OTUD7A: variants seen among roughly 807,000 people sequenced by gnomAD.
The protein encoded by OTUD7A is OTU domain-containing protein 7A.
A neutral mutation model predicts 65.7 loss-of-function variants in OTUD7A; 12 were observed. The ratio of observed to expected loss-of-function variants is 0.18; its 90% CI spans 0.12 to 0.30. OTUD7A has a LOEUF of 0.30. Ranked by LOEUF, OTUD7A falls within the 10% of genes least tolerant of loss-of-function variation. OTUD7A has a pLI of 1.00. For missense variants in OTUD7A, 1,148 were observed against 1,304.8 expected, an observed-to-expected ratio of 0.88 and a Z score of 1.85; for synonymous variants, 641 against 586.3, an observed-to-expected ratio of 1.09 and a Z score of -1.35.
intron 1 of OTUD7A, among the ~76,000 whole-genome samples, chr15:31,659,080 TA>T (rs1280471297): frequency 7.3e-5 from 10 of 136,390 alleles, no homozygotes; most frequent in South Asian, 2.3e-4. Flanking sequence ...AATAAATAAA[TA>T]AAATAAAATT....
intron 1 of OTUD7A, among the ~76,000 whole-genome samples, chr15:31,713,238 A>G (rs1457761824): frequency 6.6e-6 from 1 of 152,188 alleles, no homozygotes; most frequent in South Asian, 2.1e-4. Flanking sequence ...AAAACAATAA[A>G]TCCTCTAGAA....
At chr15:31,695,249 A>G (rs1893051490) in intron 1 of OTUD7A, among the ~76,000 whole-genome samples, 1 of 139,514 alleles carries the variant, frequency 7.2e-6, no homozygotes, top group African/African-American at 2.5e-5. Flanking sequence ...AGTGCAGGTA[A>G]CTCTTTGATG....
At chr15:31,536,218 A>G (rs1053017239) in intron 5 of OTUD7A, among the ~76,000 whole-genome samples, 1 of 152,212 alleles carries the variant, frequency 6.6e-6, no homozygotes, top group African/African-American at 2.4e-5. Context: ...CTGCTTTTCA[A>G]AAGAATGTGT....
At chr15:31,825,034 G>GT (rs1283192361) in intron 1 of OTUD7A, among the ~76,000 whole-genome samples, 1 of 152,202 alleles carries the variant, frequency 6.6e-6, no homozygotes, top group African/African-American at 2.4e-5. Flanking sequence ...TCAGAAACCA[G>GT]TATCTTTCAG....
chr15:31,489,151 G>A (rs937873319), intron 10 of OTUD7A, among the ~76,000 whole-genome samples: 7 of 152,260 alleles, frequency 4.6e-5, no homozygotes, highest in African/African-American at 1.4e-4. Flanking sequence ...GGTTAGCCTC[G>A]CTTCTTACTC....
At chr15:31,667,917 C>A (rs1162519825) in intron 1 of OTUD7A, among the ~76,000 whole-genome samples, 1 of 152,230 alleles carries the variant, frequency 6.6e-6, no homozygotes, top group East Asian at 1.9e-4. Context: ...AGTTTTGCTG[C>A]ATACAAAATT....
At chr15:31,697,313 T>C (rs1698199531) in intron 1 of OTUD7A, among the ~76,000 whole-genome samples, 1 of 139,154 alleles carries the variant, frequency 7.2e-6, no homozygotes, top group South Asian at 2.6e-4. Context: ...CTGCCCTTTA[T>C]GAATGATGTT....
intron 1 of OTUD7A, among the ~76,000 whole-genome samples, chr15:31,834,921 A>G (rs1326165053): frequency 6.6e-6 from 1 of 152,254 alleles, no homozygotes; most frequent in African/African-American, 2.4e-5. Context: ...AAGTGAGATC[A>G]CTGTGAAGAG....
At chr15:31,721,125 C>T (rs1180955433) in intron 1 of OTUD7A, among the ~76,000 whole-genome samples, 2 of 152,342 alleles carry the variant, frequency 1.3e-5, no homozygotes, top group Admixed American at 6.5e-5. Flanking sequence ...ATCACCTAAA[C>T]GTATTTCTCG....
intron 1 of OTUD7A, among the ~76,000 whole-genome samples, chr15:31,748,888 A>G (rs1445949753): frequency 1.3e-5 from 2 of 152,122 alleles, no homozygotes; most frequent in African/African-American, 4.8e-5. Context: ...GGGCTCTTAC[A>G]AACAGCATGG....
intron 1 of OTUD7A, among the ~76,000 whole-genome samples, chr15:31,689,843 A>G (rs1285510196): frequency 1.3e-5 from 2 of 152,152 alleles, no homozygotes; most frequent in Admixed American, 6.5e-5. Flanking sequence ...GCGGGGCTCA[A>G]ACACTGAACT....
At chr15:31,846,285 C>T (rs551080293) in intron 1 of OTUD7A, among the ~76,000 whole-genome samples, 1 of 152,036 alleles carries the variant, frequency 6.6e-6, no homozygotes, top group East Asian at 1.9e-4. Flanking sequence ...GCCCACTGGC[C>T]AGTCTAGAGC....
intron 8 of OTUD7A, among the ~76,000 whole-genome samples, chr15:31,522,877 A>G (rs1405919461): frequency 6.6e-6 from 1 of 152,124 alleles, no homozygotes; most frequent in Non-Finnish European, 1.5e-5. Flanking sequence ...CAAGTTTAAA[A>G]TGACTCCAGG....
intron 1 of OTUD7A, among the ~76,000 whole-genome samples, chr15:31,828,017 G>C (rs142814669): frequency 3.7e-4 from 56 of 151,990 alleles, no homozygotes; most frequent in African/African-American, 1.2e-3. Flanking sequence ...TGTTTGCATT[G>C]TCAAGGAGGC....
chr15:31,533,928 T>C (rs1566907702), intron 5 of OTUD7A, among the ~76,000 whole-genome samples: 1 of 152,166 alleles, frequency 6.6e-6, no homozygotes, highest in East Asian at 1.9e-4. Context: ...GCAGGTAAGG[T>C]TTATATGCTT....
intron 3 of OTUD7A, among the ~76,000 whole-genome samples, chr15:31,619,706 T>C (rs1034790496): frequency 6.6e-6 from 1 of 152,150 alleles, no homozygotes; most frequent in African/African-American, 2.4e-5. Flanking sequence ...AATCATGTCA[T>C]CTGCAAACAG....
At chr15:31,548,632 A>G (rs893306992) in intron 5 of OTUD7A, among the ~76,000 whole-genome samples, 1 of 152,150 alleles carries the variant, frequency 6.6e-6, no homozygotes, top group African/African-American at 2.4e-5. Context: ...AGATCTGGAC[A>G]TAATTAAAAT....
intron 8 of OTUD7A, among the ~76,000 whole-genome samples, chr15:31,525,452 C>G (rs892149105): frequency 1.3e-5 from 2 of 152,210 alleles, no homozygotes; most frequent in Non-Finnish European, 2.9e-5. Context: ...TCTGTGGGAG[C>G]CTCTTTTCCA....
At chr15:31,701,083 A>G (rs1424022513) in intron 1 of OTUD7A, among the ~76,000 whole-genome samples, 4 of 152,250 alleles carry the variant, frequency 2.6e-5, no homozygotes, top group African/African-American at 7.2e-5. Context: ...TCAAAAGTAT[A>G]AGGGTAATGA....
Sources: allele counts gnomAD v4.1 joint callset (sites outside exome capture counted in the v4.1 genomes callset), GRCh38; gene constraint gnomAD v4.1.1; transcripts MANE v1.5; gene names NCBI Gene and HGNC (gene_info 2026-07-23, HGNC 2026-07-21).